Variants in NELL2 observed in about 807,000 individuals in gnomAD.
The protein encoded by NELL2 is neural EGFL like 2.
In NELL2, 41 loss-of-function variants were observed where a neutral mutation model predicts 109.6. That is an observed-to-expected ratio of 0.37 (90% CI 0.29 to 0.49). The LOEUF (loss-of-function observed/expected upper bound fraction) is 0.49. NELL2 is among the 20% of genes least tolerant of loss of function. The pLI, the probability that NELL2 is intolerant of heterozygous loss-of-function variation, is 0.98. For missense variants in NELL2, 900 were observed against 1,008.3 expected, an observed-to-expected ratio of 0.89 and a Z score of 1.45; for synonymous variants, 355 against 344.7, an observed-to-expected ratio of 1.03 and a Z score of -0.33.
upstream of NELL2, among the ~76,000 whole-genome samples, chr12:44,880,646 T>C (rs545742963): frequency 2.4e-4 from 37 of 152,088 alleles, no homozygotes; most frequent in African/African-American, 8.7e-4. Context: ...TTAAAGAATA[T>C]CATGAGGCTC....
intron 9 of NELL2, among the ~76,000 whole-genome samples, chr12:44,745,352 T>G (rs1472468539): frequency 1.3e-5 from 2 of 152,122 alleles, no homozygotes; most frequent in African/African-American, 2.4e-5. Flanking sequence ...TCATACTGAA[T>G]GGGCAAAAAC....
At chr12:44,662,005 A>T (rs761111882) in intron 13 of NELL2, among the ~76,000 whole-genome samples, 8 of 152,084 alleles carry the variant, frequency 5.3e-5, no homozygotes, top group Non-Finnish European at 1.0e-4. Flanking sequence ...TTCTATAGGA[A>T]CACGAAACGA....
chr12:44,774,944 G>A, intron 8 of NELL2, 95 bp from the exon 9 acceptor site: 4 of 931,682 alleles, frequency 4.3e-6, no homozygotes, highest in Non-Finnish European at 6.6e-6. Flanking sequence ...AACTCTTCAT[G>A]TGAAGAGAAC....
chr12:44,777,987 T>C lies in NELL2; in HGVS notation c.607-673A>G, dbSNP rs147711938. On this transcript the variant is annotated intron_variant, in intron 5 of 19. Transcript: ENST00000429094. ...TGCATACTTAGTCATTAAGGTATAA[T>C]TAGCTTCCAGCTTGCTGGGCTCCTA... Among the ~76,000 whole-genome samples the C allele has an allele frequency of 2.1e-3, 320 of 152,294 alleles. 2 individuals are homozygous for C. Among genetic ancestry groups the C allele is most frequent in the African/African-American group, 7.1e-3 (295 of 41,570 alleles).
chr12:44,526,962 T>A (rs1194770690), intron 16 of NELL2, among the ~76,000 whole-genome samples: 1 of 152,210 alleles, frequency 6.6e-6, no homozygotes, highest in African/African-American at 2.4e-5. Flanking sequence ...AACTTCGTAG[T>A]ACGGTATTTA....
At chr12:44,886,895 A>G (rs1435499789) in intron 1 of NELL2, among the ~76,000 whole-genome samples, 5 of 151,916 alleles carry the variant, frequency 3.3e-5, no homozygotes, top group Non-Finnish European at 5.9e-5. Flanking sequence ...GCTCCCATAT[A>G]TGAGTGACAA....
At chr12:44,707,410 T>G (rs1289824789) in intron 11 of NELL2, among the ~76,000 whole-genome samples, 2 of 152,116 alleles carry the variant, frequency 1.3e-5, no homozygotes, top group Non-Finnish European at 2.9e-5. Flanking sequence ...TAAAGCTATC[T>G]CACAGGAGAT....
chr12:44,694,298 G>A (rs554601781), intron 12 of NELL2, among the ~76,000 whole-genome samples: 4 of 152,180 alleles, frequency 2.6e-5, no homozygotes, highest in South Asian at 2.1e-4. Context: ...CTGAGTCCTT[G>A]AATTAGAACG....
chr12:44,561,498 C>A (rs1750660794), intron 15 of NELL2, among the ~76,000 whole-genome samples: 1 of 152,148 alleles, frequency 6.6e-6, no homozygotes, highest in Admixed American at 6.5e-5. Context: ...GATACAAAAT[C>A]AATGTGCCAA....
chr12:44,581,217 C>T (rs188055022), intron 15 of NELL2, among the ~76,000 whole-genome samples: 241 of 152,156 alleles, frequency 1.6e-3, no homozygotes, highest in Middle Eastern at 3.4e-3. Flanking sequence ...ACTAATTGGA[C>T]GGCTACTTTT....
At chr12:44,775,832 T>A (rs905950224) in intron 8 of NELL2, among the ~76,000 whole-genome samples, 190 bp downstream of exon 8, 4 of 152,228 alleles carry the variant, frequency 2.6e-5, no homozygotes, top group Non-Finnish European at 4.4e-5. Context: ...ACCATAATCA[T>A]CTTTAGAAGC....
At chr12:44,808,062 T>A (rs144696303) in intron 3 of NELL2, among the ~76,000 whole-genome samples, 2 of 152,052 alleles carry the variant, frequency 1.3e-5, no homozygotes, top group Non-Finnish European at 1.5e-5. Context: ...GTCCTCTGCA[T>A]CCCCATCTAG....
intron 1 of NELL2, among the ~76,000 whole-genome samples, chr12:44,913,348 C>A (rs187738100): frequency 6.6e-6 from 1 of 152,148 alleles, no homozygotes. Context: ...AAAAATGTAA[C>A]AGCAGGATGC....
intron 19 of NELL2, among the ~76,000 whole-genome samples, chr12:44,515,039 G>A (rs1440803183): frequency 1.3e-5 from 2 of 151,616 alleles, no homozygotes; most frequent in South Asian, 4.1e-4. Flanking sequence ...AAATAAAAAT[G>A]TTATTAAAGA....
At chr12:44,802,144 T>C (rs1389318003) in intron 3 of NELL2, among the ~76,000 whole-genome samples, 1 of 152,108 alleles carries the variant, frequency 6.6e-6, no homozygotes, top group Non-Finnish European at 1.5e-5. Flanking sequence ...GTAAGCACAA[T>C]TTTTCTTAAT....
At chr12:44,723,379 A>T (rs148503648) in intron 9 of NELL2, among the ~76,000 whole-genome samples, 6 of 152,210 alleles carry the variant, frequency 3.9e-5, no homozygotes, top group Admixed American at 6.5e-5. Flanking sequence ...CAGTCCAGAG[A>T]TATTCAGTAG....
At chr12:44,554,318 T>C (rs1943155828) in intron 15 of NELL2, among the ~76,000 whole-genome samples, 1 of 152,274 alleles carries the variant, frequency 6.6e-6, no homozygotes, top group Middle Eastern at 3.4e-3. Flanking sequence ...TTAGAGATCA[T>C]GGTGAGAATA....
chr12:44,658,740 G>T (rs921217113), intron 13 of NELL2, among the ~76,000 whole-genome samples: 2 of 151,758 alleles, frequency 1.3e-5, no homozygotes, highest in African/African-American at 4.8e-5. Flanking sequence ...GCTGGGTGAG[G>T]TGGCAGGCGC....
chr12:44,559,783 T>G (rs1217894133), intron 15 of NELL2, among the ~76,000 whole-genome samples: 1 of 152,068 alleles, frequency 6.6e-6, no homozygotes, highest in Non-Finnish European at 1.5e-5. Context: ...GACAGAAAAT[T>G]CACAAGGATA....
Sources: allele counts gnomAD v4.1 joint callset (sites outside exome capture counted in the v4.1 genomes callset), GRCh38; gene constraint gnomAD v4.1.1; transcripts MANE v1.5; gene names NCBI Gene and HGNC (gene_info 2026-07-23, HGNC 2026-07-21).